The following KCNB2 variants were observed in gnomAD, a reference collection of about 807,000 sequenced individuals.
KCNB2 encodes the protein potassium voltage-gated channel subfamily B member 2.
KCNB2 carries 15 observed loss-of-function variants against 61.5 expected under a neutral mutation model. That is an observed-to-expected ratio of 0.24 (90% CI 0.16 to 0.38). The LOEUF is 0.38. Among genes scored for constraint, KCNB2 ranks in the 10% least tolerant of loss-of-function variants. The probability of loss-of-function intolerance (pLI) is 1.00; values close to 1 mark genes in which losing one functional copy is unlikely to be tolerated. For synonymous variants in KCNB2, 457 were observed against 446.0 expected, an observed-to-expected ratio of 1.02 and a Z score of -0.31; for missense variants, 828 against 1,125.2, an observed-to-expected ratio of 0.74 and a Z score of 3.78.
intron 2 of KCNB2, among the ~76,000 whole-genome samples, chr8:72,572,217 T>C (rs577605929): frequency 1.3e-5 from 2 of 152,312 alleles, no homozygotes; most frequent in African/African-American, 4.8e-5. Context: ...CCTGGGTTCA[T>C]GGCTGAGTCC....
At chr8:72,795,881 A>G (rs753588616) in intron 2 of KCNB2, among the ~76,000 whole-genome samples, 36 of 152,210 alleles carry the variant, frequency 2.4e-4, no homozygotes, top group Non-Finnish European at 4.4e-4. Flanking sequence ...AGAGGCATAA[A>G]ATTATGCATC....
At chr8:72,677,109 G>C (rs76580421) in intron 2 of KCNB2, among the ~76,000 whole-genome samples, 2 of 14,932 alleles carry the variant, frequency 1.3e-4, no homozygotes. Flanking sequence ...GGACACAGAC[G>C]TACACATGGA....
chr8:72,713,144 G>C (rs188042138), intron 2 of KCNB2, among the ~76,000 whole-genome samples: 1 of 152,334 alleles, frequency 6.6e-6, no homozygotes, highest in East Asian at 1.9e-4. Flanking sequence ...GGCTTGAGTC[G>C]GTAAACAAAG....
rs184387569 is a variant in KCNB2, at chr8:72,658,781, C to G, written c.579+90468C>G. 1.6e-3 allele frequency among the ~76,000 whole-genome samples: 240 copies of G among 152,288 alleles called. 1 individual carries two copies. Among genetic ancestry groups the G allele is most frequent in the African/African-American group, 5.5e-3 (227 of 41,572 alleles). On this transcript the variant is annotated intron_variant, in intron 2 of 2. Coordinates refer to ENST00000523207, the MANE Select transcript of KCNB2 (RefSeq NM_004770.3). ...GGGGCTTTAAGCATGATGCTAAATC[C>G]TCTCTGCCTATGCTCAATAAATGGA...
At chr8:72,906,525 T>C (rs1806180322) in intron 2 of KCNB2, among the ~76,000 whole-genome samples, 1 of 152,230 alleles carries the variant, frequency 6.6e-6, no homozygotes, top group South Asian at 2.1e-4. Context: ...AAATTTAAAC[T>C]ATATGGTGAA....
rs1563431048 is a variant in KCNB2, at chr8:72,937,174, A to G, written c.1819A>G (p.Thr607Ala). The G allele has an allele frequency of 6.2e-7, 1 of 1,614,096 alleles. No individual in the cohort carries two copies. The highest frequency in any genetic ancestry group is 1.7e-5 in the Admixed American group (1 of 60,024). The change falls in exon 3 of 3, where the codon ACC becomes GCC. Residue 607 changes from threonine to alanine, a missense_variant. This residue lies in a region of KCNB2 where 559 missense variants were observed against 588.4 expected (regional missense o/e 0.95). Transcript: ENST00000523207. The part of the protein sequence containing the change: ...MKSTSSIDSF[T>A]SCATDFTETE... ...GAGCACCTCCAGCATCGACAGCTTC[A>G]CCAGCTGTGCCACCGACTTCACAGA... is the stretch of plus-strand genomic sequence containing the variant.
chr8:72,739,587 G>A (rs1807911974), intron 2 of KCNB2, among the ~76,000 whole-genome samples: 2 of 151,902 alleles, frequency 1.3e-5, no homozygotes, highest in African/African-American at 4.8e-5. Context: ...TGGTCTGGAG[G>A]TGCAAAAACG....
chr8:72,873,505 G>A (rs934726332), intron 2 of KCNB2, among the ~76,000 whole-genome samples: 1 of 152,234 alleles, frequency 6.6e-6, no homozygotes, highest in African/African-American at 2.4e-5. Context: ...CCACTGGGGT[G>A]GGATTTGGTG....
intron 1 of KCNB2, among the ~76,000 whole-genome samples, chr8:72,557,844 T>A (rs983606466): frequency 6.6e-6 from 1 of 152,192 alleles, no homozygotes; most frequent in African/African-American, 2.4e-5. Flanking sequence ...GTTTTATATA[T>A]GTACAAGTTG....
intron 2 of KCNB2, among the ~76,000 whole-genome samples, chr8:72,785,149 T>C: frequency 6.6e-6 from 1 of 152,210 alleles, no homozygotes; most frequent in South Asian, 2.1e-4. Flanking sequence ...GAGTGGTTGC[T>C]AGGGATAACC....
chr8:72,884,045 T>G (rs1372235218), intron 2 of KCNB2, among the ~76,000 whole-genome samples: 1 of 152,242 alleles, frequency 6.6e-6, no homozygotes, highest in Non-Finnish European at 1.5e-5. Context: ...AGCAGCAATA[T>G]ATGAAAGCTT....
chr8:72,828,245 A>G (rs1016951826), intron 2 of KCNB2, among the ~76,000 whole-genome samples: 2 of 152,246 alleles, frequency 1.3e-5, no homozygotes, highest in South Asian at 2.1e-4. Flanking sequence ...CTGAGCGCCT[A>G]TGAGAAAATA....
chr8:72,545,872 G>A (rs1432004349), intron 1 of KCNB2, among the ~76,000 whole-genome samples: 1 of 152,084 alleles, frequency 6.6e-6, no homozygotes, highest in East Asian at 1.9e-4. Context: ...TGATAATAAA[G>A]GAAAAAGAGT....
At chr8:72,613,527 AAT>A (rs2128983572) in intron 2 of KCNB2, among the ~76,000 whole-genome samples, 1 of 152,316 alleles carries the variant, frequency 6.6e-6, no homozygotes, top group African/African-American at 2.4e-5. Context: ...ATAAAAATAA[AAT>A]CCCTGTTATA....
At position 72,938,023 on chromosome 8, in the gene KCNB2, T is replaced by C. The variant is rs1208055298; in HGVS notation, c.2668T>C (p.Phe890Leu). The C allele has an allele frequency of 1.2e-6, 2 of 1,614,122 alleles. No individual in the cohort carries two copies. Among genetic ancestry groups the C allele is most frequent in the South Asian group, 2.2e-5 (2 of 91,068 alleles). Residue 890 changes from phenylalanine (F) to leucine (L), a missense_variant, in exon 3 of 3, where the codon TTT (phenylalanine) becomes CTT (leucine). Around this residue, in one of 4 missense-constraint regions of KCNB2, gnomAD observed 559 missense variants for 588.4 expected, o/e 0.95. Transcript: ENST00000523207. Reference protein sequence around the residue: ...QEGCKMENHLFAPEIHSNPGD... With the variant: ...QEGCKMENHLLAPEIHSNPGD... ...AGGGTGCAAGATGGAAAATCACTTG[T>C]TTGCCCCAGAAATTCATTCCAACCC...
chr8:72,826,036 T>G (rs1224710872), intron 2 of KCNB2, among the ~76,000 whole-genome samples: 1 of 152,226 alleles, frequency 6.6e-6, no homozygotes, highest in Admixed American at 6.5e-5. Flanking sequence ...TTGCTTATGT[T>G]CAGGTTTTGG....
intron 2 of KCNB2, among the ~76,000 whole-genome samples, chr8:72,761,191 G>A (rs933079696): frequency 3.9e-5 from 6 of 152,142 alleles, no homozygotes; most frequent in East Asian, 1.9e-4. Context: ...AGGTGTACTC[G>A]GAGGAGATGC....
chr8:72,639,369 G>A (rs1262218260), intron 2 of KCNB2, among the ~76,000 whole-genome samples: 1 of 152,026 alleles, frequency 6.6e-6, no homozygotes, highest in African/African-American at 2.4e-5. Flanking sequence ...CAACCTTCAG[G>A]CAGGCAAACA....
At chr8:72,861,426 C>T (rs1484481437) in intron 2 of KCNB2, among the ~76,000 whole-genome samples, 1 of 152,162 alleles carries the variant, frequency 6.6e-6, no homozygotes, top group Non-Finnish European at 1.5e-5. Context: ...ATTACAGCAC[C>T]ATTTCCCGAG....
Sources: gnomAD v4.1 joint callset for allele counts (sites outside exome capture counted in the v4.1 genomes callset) on GRCh38, gnomAD v4.1.1 for gene constraint, gnomAD v4.1.1 regional missense constraint, MANE v1.5 for transcripts, NCBI Gene and HGNC (gene_info 2026-07-23, HGNC 2026-07-21) for gene names.